The following SMPD2 variants were observed in gnomAD, a reference collection of about 807,000 sequenced individuals.
SMPD2 encodes the protein sphingomyelin phosphodiesterase 2.
Under a neutral mutation model 41.7 loss-of-function variants are expected in SMPD2, and 35 were observed. The observed-to-expected ratio is 0.84, with a 90% CI of 0.64 to 1.11. The LOEUF (loss-of-function observed/expected upper bound fraction) is 1.11. SMPD2 is among the 50% of genes most tolerant of loss of function. SMPD2 has a pLI of 0.00. For synonymous variants in SMPD2, 201 were observed against 208.2 expected, an observed-to-expected ratio of 0.97 and a Z score of 0.30; for missense variants, 520 against 524.8, an observed-to-expected ratio of 0.99 and a Z score of 0.09.
chr6:109,442,142 G>T, intron 4 of SMPD2, 68 bp from the exon 5 acceptor site: 1 of 1,593,042 alleles, frequency 6.3e-7, no homozygotes, highest in Non-Finnish European at 8.6e-7. Context: ...GCAGCCCTCT[G>T]AGAGCTGCAG....
At chr6:109,441,780 A>G (rs954747120) in intron 3 of SMPD2, 152 bp downstream of exon 3, 1 of 919,824 alleles carries the variant, frequency 1.1e-6, no homozygotes, top group East Asian at 2.4e-5. Flanking sequence ...AGAAGGTCCT[A>G]TGACTTCAGC....
chr6:109,443,341 C>G lies in SMPD2; in HGVS notation c.804C>G (p.Pro268=), dbSNP rs374522884. The change falls in exon 9 of 10, where the codon CCC becomes CCG. Residue 268 remains proline, a synonymous_variant. Transcript: ENST00000258052. The stretch of plus-strand genomic sequence containing the variant: ...GCTTTGACCCTCACAGGGGCACCCC[C>G]CTCTCTGATCATGAAGCCCTGATGG... ...TTGFDPHRGT[P]LSDHEALMAT... 1.2e-6 allele frequency: 2 copies of G among 1,614,000 alleles called. No homozygotes were observed. The highest frequency in any genetic ancestry group is 1.3e-5 in the African/African-American group (1 of 75,050).
Position 109,443,653 on chromosome 6 carries a change from G to A in SMPD2, c.1020G>A (p.Leu340=). The A allele has an allele frequency of 6.2e-7, 1 of 1,613,732 alleles. No individual in the cohort carries two copies. Among genetic ancestry groups the A allele is most frequent in the Non-Finnish European group, 8.5e-7 (1 of 1,179,924 alleles). The part of the protein sequence containing the change: ...VIGLGLLLLA[L]LCVLAAGGGA... ...GCCTGGGGCTGCTTCTCCTGGCACT[G>A]CTGTGTGTCCTGGCGGCTGGAGGAG... The change falls in exon 10 of 10, where the codon CTG becomes CTA. Residue 340 remains leucine (L), a synonymous_variant. Coordinates refer to ENST00000258052, the MANE Select transcript of SMPD2 (RefSeq NM_003080.3).
Position 109,441,577 on chromosome 6 carries a change from A to G in SMPD2, c.173A>G (p.Tyr58Cys), listed in dbSNP as rs768577877. The change falls in exon 3 of 10, where the codon TAC (tyrosine) becomes TGC (cysteine). Residue 58 changes from tyrosine (Y) to cysteine (C), a missense_variant. Tyr to Cys is a radical substitution (Grantham distance 194, BLOSUM62 -2). Transcript: ENST00000258052. Reference protein sequence around the residue: ...EEVWSEQDFQYLRQKLSPTYP... With the variant: ...EEVWSEQDFQCLRQKLSPTYP... ...GTGTGGAGTGAGCAGGACTTCCAGT[A>G]CCTGAGACAGAAGCTGTCACCTACC... 1 of 1,614,206 alleles carries G rather than the reference A, an allele frequency of 6.2e-7. No individual in the cohort carries two copies. Among genetic ancestry groups the G allele is most frequent in the Non-Finnish European group, 8.5e-7 (1 of 1,180,020 alleles).
Position 109,442,551 on chromosome 6 carries a change from C to T in SMPD2, c.417C>T (p.Ala139=), listed in dbSNP as rs749295859. The T allele has an allele frequency of 2.0e-5, 32 of 1,612,296 alleles. No individual in the cohort carries two copies. Among genetic ancestry groups the T allele is most frequent in the South Asian group, 9.9e-5 (9 of 90,838 alleles). The change falls in exon 6 of 10, where the codon GCC becomes GCT. Residue 139 remains alanine, a synonymous_variant. Coordinates refer to ENST00000258052, the MANE Select transcript of SMPD2 (RefSeq NM_003080.3). ...VLNAYVTHLH[A]EYNRQKDIYL... is the part of the protein sequence containing the mutation. ...TCATCTATCTTGCTCAGCTCCATGC[C>T]GAATACAATCGACAGAAGGACATCT...
intron 3 of SMPD2, 43 bp from the exon 4 acceptor site, chr6:109,441,931 C>A: frequency 1.3e-6 from 2 of 1,556,562 alleles, no homozygotes; most frequent in South Asian, 1.1e-5. Context: ...GGCTGGGTGT[C>A]TCTCCCTGTT....
chr6:109,443,821 A>G lies in SMPD2; in HGVS notation c.1188A>G (p.Ala396=), dbSNP rs371669616. The G allele has an allele frequency of 2.2e-5, 35 of 1,613,906 alleles. No individual in the cohort carries two copies. Among genetic ancestry groups the G allele is most frequent in the African/African-American group, 1.1e-4 (8 of 74,944 alleles). Residue 396 remains alanine (A), a synonymous_variant, in exon 10 of 10, where the codon GCA becomes GCG. Transcript: ENST00000258052. ...AGCTCCAGCATGTGCTAGGAAGGGC[A>G]AGGGAGGCCCAGGATCTGGGCCCAG... ...QAELQHVLGR[A]REAQDLGPEP...
chr6:109,443,292 G>A lies in SMPD2; in HGVS notation c.755G>A (p.Cys252Tyr), dbSNP rs775449957. 1 of 1,614,132 alleles carries A rather than the reference G, an allele frequency of 6.2e-7. No individual in the cohort carries two copies. The highest frequency in any genetic ancestry group is 8.5e-7 in the Non-Finnish European group (1 of 1,180,014). ...YKAVSGFYIS[C>Y]KSFETTTGFD... Reference sequence around the variant, plus strand: ...GCAGTTTCTGGGTTTTACATCTCCTGTAAGAGTTTTGAAACCACTACAGGC... The same window carrying A: ...GCAGTTTCTGGGTTTTACATCTCCTATAAGAGTTTTGAAACCACTACAGGC... Residue 252 changes from cysteine (C) to tyrosine (Y), a missense_variant, in exon 9 of 10, where the codon TGT (cysteine) becomes TAT (tyrosine). Physicochemically the swap from Cys to Tyr is radical, Grantham distance 194. Coordinates refer to ENST00000258052, the MANE Select transcript of SMPD2 (RefSeq NM_003080.3).
chr6:109,441,700 C>T (rs2115314665), intron 3 of SMPD2, 72 bp downstream of exon 3: 3 of 1,365,938 alleles, frequency 2.2e-6, no homozygotes, highest in Non-Finnish European at 2.1e-6. Context: ...CTTCCCTATC[C>T]TGCCTGCACT....
In SMPD2 at chr6:109,443,795, G is replaced by A. The variant is rs1222429226; in HGVS notation, c.1162G>A (p.Glu388Lys). 6.2e-7 allele frequency: 1 copy of A among 1,614,034 alleles called. No individual in the cohort carries two copies. Among genetic ancestry groups the A allele is most frequent in the Admixed American group, 1.7e-5 (1 of 60,006 alleles). ...CAATGGCTTATATAGGGCCCAGGCT[G>A]AGCTCCAGCATGTGCTAGGAAGGGC... The part of the protein sequence containing the change: ...EVNGLYRAQA[E>K]LQHVLGRARE... Residue 388 changes from glutamate to lysine, a missense_variant, in exon 10 of 10, where the codon GAG (glutamate) becomes AAG (lysine). Transcript: ENST00000258052.
rs1466286533 is a variant in SMPD2, at chr6:109,442,650, G to A, written c.491+25G>A. On this transcript the variant is annotated intron_variant, in intron 6 of 9. Coordinates refer to ENST00000258052, the MANE Select transcript of SMPD2 (RefSeq NM_003080.3). ...AGTGTGTGAGCCTGGGCTTGAAATG[G>A]GAAGTGGGATGGGACCCAGGGGCTG... 1.9e-6 allele frequency: 3 copies of A among 1,614,206 alleles called. No individual in the cohort carries two copies. The South Asian group carries it at 3.3e-5, about 18-fold the overall frequency.
rs745747699 is a variant in SMPD2 at position 109,442,261 on chromosome 6, CATCT to C, written c.372_375del (p.His124GlnfsTer10). 6.2e-7 allele frequency: 1 copy of C among 1,614,036 alleles called. No individual in the cohort carries two copies. The highest frequency in any genetic ancestry group is 1.7e-5 in the Admixed American group (1 of 60,004). On this transcript the variant is annotated frameshift_variant, in exon 5 of 10. Coordinates refer to ENST00000258052, the MANE Select transcript of SMPD2 (RefSeq NM_003080.3). LOFTEE classifies it high-confidence loss of function. Reference sequence around the variant, plus strand: ...GAAGGCTGTGGGGCTGCTGGTGCTCCATCTAAGTGGCATGGTGCTCAACGCCTAT... The same window carrying C: ...GAAGGCTGTGGGGCTGCTGGTGCTCCAAGTGGCATGGTGCTCAACGCCTAT...
In SMPD2 at chr6:109,441,374, G is replaced by C. The variant is rs771737391; in HGVS notation, c.68G>C (p.Ser23Thr). ...NLNCWGIPYL[S>T]KHRADRMRRL... ...TTCCTTAGGGGCATTCCGTACTTGAGCAAGCACCGGGCCGACCGCATGAGG... is the reference window on the plus strand; with the variant it reads ...TTCCTTAGGGGCATTCCGTACTTGACCAAGCACCGGGCCGACCGCATGAGG... Residue 23 changes from serine (S) to threonine (T), a missense_variant, in exon 2 of 10, where the codon AGC becomes ACC. Transcript: ENST00000258052. The C allele has an allele frequency of 6.2e-7, 1 of 1,614,066 alleles. No homozygotes were observed. The highest frequency in any genetic ancestry group is 1.1e-5 in the South Asian group (1 of 91,084).
intron 6 of SMPD2, 60 bp from the exon 7 acceptor site, chr6:109,442,692 C>T (rs1774983527): frequency 6.2e-7 from 1 of 1,613,990 alleles, no homozygotes; most frequent in Non-Finnish European, 8.5e-7. Flanking sequence ...AACAAGGCCC[C>T]AGTCATGGGG....
chr6:109,442,448 C>T (rs1774959922), intron 5 of SMPD2, 95 bp from the exon 6 acceptor site: 3 of 1,377,860 alleles, frequency 2.2e-6, no homozygotes, highest in Non-Finnish European at 3.1e-6. Context: ...CCATTGTATA[C>T]CAAACACCAT....
At chr6:109,441,882 A>T (rs1303176581) in intron 3 of SMPD2, 92 bp from the exon 4 acceptor site, 1 of 1,236,020 alleles carries the variant, frequency 8.1e-7, no homozygotes, top group African/African-American at 1.5e-5. Flanking sequence ...AAAAGAAAAA[A>T]ATAGCTGATC....
Position 109,441,427 on chromosome 6 carries a change from A to C in SMPD2, c.121A>C (p.Ser41Arg). 6 of 1,614,080 alleles carry C rather than the reference A, an allele frequency of 3.7e-6. No individual in the cohort carries two copies. Among genetic ancestry groups the C allele is most frequent in the Non-Finnish European group, 5.1e-6 (6 of 1,180,006 alleles). Residue 41 changes from serine (S) to arginine (R), a missense_variant, in exon 2 of 10, where the codon AGC (serine) becomes CGC (arginine). Physicochemically the swap from Ser to Arg is moderately radical, Grantham distance 110 (BLOSUM62 -1). Coordinates refer to ENST00000258052, the MANE Select transcript of SMPD2 (RefSeq NM_003080.3). ...RRLGDFLNQE[S>R]FDLALLEEVW... Reference sequence around the variant, plus strand: ...CCTGGGAGACTTTCTGAACCAGGAGAGCTTCGACCTGGCTTTGCTGGAGGA... The same window carrying C: ...CCTGGGAGACTTTCTGAACCAGGAGCGCTTCGACCTGGCTTTGCTGGAGGA...
Position 109,440,872 on chromosome 6 carries a change from G to C in SMPD2, c.-250G>C. 1.9e-6 allele frequency: 1 copy of C among 538,930 alleles called. No homozygotes were observed. Among genetic ancestry groups the C allele is most frequent in the Non-Finnish European group, 3.2e-6 (1 of 311,370 alleles). The allele number at this position is 538,930 out of a possible 1,614,324, so 33.4% of individuals were successfully genotyped here. On this transcript the variant is annotated 5_prime_UTR_variant, in exon 1 of 10. Coordinates refer to ENST00000258052, the MANE Select transcript of SMPD2 (RefSeq NM_003080.3). ...CTAGCGCGCGGCCCTTACCGAGCCT[G>C]GGCGCCCGGATTTCGGCAGCGGATC...
rs749607058 is a variant in SMPD2 at position 109,441,454 on chromosome 6, G to A, written c.147+1G>A. The A allele has an allele frequency of 6.2e-7, 1 of 1,613,864 alleles. No individual in the cohort carries two copies. Among genetic ancestry groups the A allele is most frequent in the South Asian group, 1.1e-5 (1 of 91,086 alleles). On this transcript the variant is annotated splice_donor_variant, in intron 2 of 9. Transcript: ENST00000258052. LOFTEE classifies it high-confidence loss of function. ...CTTCGACCTGGCTTTGCTGGAGGAG[G>A]TGAGATTGTGCAGCACGGTGCGGAA...
Sources: allele counts gnomAD v4.1 joint callset, GRCh38; gene constraint gnomAD v4.1.1; transcripts MANE v1.5; gene names NCBI Gene and HGNC (gene_info 2026-07-23, HGNC 2026-07-21).